BMP8A: variants seen among roughly 807,000 people sequenced by gnomAD.
BMP8A encodes the protein BMP-8A.
A neutral mutation model predicts 36.8 loss-of-function variants in BMP8A; 14 were observed. That is an observed-to-expected ratio of 0.38 (90% CI 0.25 to 0.60). BMP8A has a LOEUF of 0.60. Among genes scored for constraint, BMP8A ranks in the 20% least tolerant of loss-of-function variants. BMP8A has a pLI of 0.63. For synonymous variants in BMP8A, 120 were observed against 237.7 expected (o/e 0.50, Z 4.55); for missense variants, 267 against 551.1 (o/e 0.48, Z 5.16).
chr1:39,492,145 C>T lies in BMP8A; in HGVS notation c.154C>T (p.Leu52Phe), dbSNP rs1317623667. Residue 52 changes from leucine to phenylalanine, a missense_variant, in exon 1 of 7, where the codon CTC becomes TTC. Transcript: ENST00000331593. ...CGTGCAGCGCGAGATCCTGGCGGTG[C>T]TCGGGCTACCCGGGCGGCCCCGGCC... The part of the protein sequence containing the change: ...RDVQREILAV[L>F]GLPGRPRPRA... 1.6e-6 allele frequency: 2 copies of T among 1,267,280 alleles called. No homozygotes were observed. The highest frequency in any genetic ancestry group is 3.1e-5 in the African/African-American group (2 of 63,636). 78.5% of individuals were successfully genotyped at this position (1,267,280 alleles called of 1,614,324 possible). A position where few individuals can be genotyped will look rare whatever the true frequency, so the allele number is the denominator to read the frequency against.
intron 1 of BMP8A, among the ~76,000 whole-genome samples, chr1:39,507,913 A>C (rs570969413): frequency 3.9e-5 from 6 of 152,318 alleles, no homozygotes; most frequent in African/African-American, 1.2e-4. Context: ...AGGCACCCAG[A>C]AGTTGAACTG....
chr1:39,505,985 C>CAAAAAAAAA lies in BMP8A; in HGVS notation c.335-5189_335-5188insAAAAAAAAA, dbSNP rs369981354. Among the ~76,000 whole-genome samples the CAAAAAAAAA allele has an allele frequency of 1.1e-4, 10 of 93,914 alleles. 5 individuals carry two copies. The highest frequency in any genetic ancestry group is 9.5e-5 in the African/African-American group (2 of 21,150). 61.6% of individuals were successfully genotyped at this position (93,914 alleles called of 152,430 possible). A position where few individuals can be genotyped will look rare whatever the true frequency, so the allele number is the denominator to read the frequency against. ...TGGGTGACAGAGCAAGACCCTGTCT[C>CAAAAAAAAA]CAAAAAAAAAAAAAAAAAAAAGTGT... On this transcript the variant is annotated intron_variant, in intron 1 of 6. Coordinates refer to ENST00000331593, the MANE Select transcript of BMP8A (RefSeq NM_181809.4).
At chr1:39,517,925 AG>A (rs1440212311) in intron 3 of BMP8A, among the ~76,000 whole-genome samples, 5 of 152,210 alleles carry the variant, frequency 3.3e-5, no homozygotes, top group Non-Finnish European at 7.3e-5. Context: ...GGACTAGATG[AG>A]TTTTCTCAGC....
chr1:39,500,632 C>CA (rs34380723), intron 1 of BMP8A, among the ~76,000 whole-genome samples: 24,931 of 101,978 alleles, frequency 0.24, 2,197 homozygotes, highest in Middle Eastern at 0.29. Flanking sequence ...GAGTAATTTA[C>CA]AAAAAAAAAA....
Position 39,492,027 on chromosome 1 carries a change from C to A in BMP8A, c.36C>A (p.Gly12=). The A allele has an allele frequency of 9.1e-7, 1 of 1,096,006 alleles. No homozygotes were observed. Among genetic ancestry groups the A allele is most frequent in the Non-Finnish European group, 1.1e-6 (1 of 902,684 alleles). The allele number at this position is 1,096,006 out of a possible 1,614,324, so 67.9% of individuals were successfully genotyped here. The change falls in exon 1 of 7, where the codon GGC becomes GGA. Residue 12 remains glycine (G), a synonymous_variant. Coordinates refer to ENST00000331593, the MANE Select transcript of BMP8A (RefSeq NM_181809.4). ...AARPGPLWLL[G]LTLCALGGGG... ...GCCCCGGACCGCTCTGGCTTCTGGG[C>A]CTGACGTTGTGCGCGCTGGGCGGGG...
chr1:39,493,702 G>A lies in BMP8A; in HGVS notation c.334+1377G>A, dbSNP rs929384199. On this transcript the variant is annotated intron_variant, in intron 1 of 6. Coordinates refer to ENST00000331593, the MANE Select transcript of BMP8A (RefSeq NM_181809.4). ...CAGTGCCAGGGACAGGACTCTAGCC[G>A]GTGGGATCTGTATGCTGCCTTTGTA... Among the ~76,000 whole-genome samples the A allele has an allele frequency of 3.3e-5, 5 of 152,238 alleles. No homozygotes were observed. In the East Asian group the frequency reaches 5.8e-4, roughly 18 times the overall value.
chr1:39,523,757 CTG>C (rs977684215), intron 6 of BMP8A: 11 of 1,235,144 alleles, frequency 8.9e-6, no homozygotes, highest in Non-Finnish European at 1.1e-5. Context: ...ACTGAGTGCT[CTG>C]TGTGTTTGCG....
At chr1:39,499,240 G>C (rs60069508) in intron 1 of BMP8A, among the ~76,000 whole-genome samples, 26,872 of 152,186 alleles carry the variant, frequency 0.18, 2,992 homozygotes, top group Middle Eastern at 0.24. Context: ...GGCCACCCGG[G>C]GAGAGCAGCT....
Position 39,525,809 on chromosome 1 carries a change from C to T in BMP8A, c.*11C>T, listed in dbSNP as rs1441554228. 1 of 1,613,682 alleles carries T rather than the reference C, an allele frequency of 6.2e-7. No individual in the cohort carries two copies. The highest frequency in any genetic ancestry group is 8.5e-7 in the Non-Finnish European group (1 of 1,180,022). On this transcript the variant is annotated 3_prime_UTR_variant, in exon 7 of 7. Transcript: ENST00000331593. ...TGCGGCTGCCACTGAGTCAGCCCGC[C>T]CAGCCCTACTGCAGCCACCCTTCTC...
At chr1:39,502,235 CAA>C (rs144694221) in intron 1 of BMP8A, among the ~76,000 whole-genome samples, 9 of 123,084 alleles carry the variant, frequency 7.3e-5, no homozygotes, top group Admixed American at 2.5e-4. Flanking sequence ...GAGACTGTCT[CAA>C]AAAAAAAAAA....
intron 1 of BMP8A, among the ~76,000 whole-genome samples, chr1:39,504,797 G>A (rs4660798): frequency 0.82 from 125,146 of 152,156 alleles, 53,587 homozygotes; most frequent in East Asian, 0.99. Context: ...CTACCATCTC[G>A]GTGAGGGGGA....
In BMP8A at chr1:39,526,264, C is replaced by G. The variant is rs533157824; in HGVS notation, c.*466C>G. On this transcript the variant is annotated 3_prime_UTR_variant, in exon 7 of 7. Coordinates refer to ENST00000331593, the MANE Select transcript of BMP8A (RefSeq NM_181809.4). The stretch of plus-strand genomic sequence containing the variant: ...TCTCAGCACAGTGTGTTCTGGGATT[C>G]TTCTCATTTGGTCCAGGGTGCAGTT... 6.6e-6 allele frequency among the ~76,000 whole-genome samples: 1 copy of G among 152,012 alleles called. No individual in the cohort carries two copies. Among genetic ancestry groups the G allele is most frequent in the Non-Finnish European group, 1.5e-5 (1 of 68,016 alleles).
At position 39,525,677 on chromosome 1, in the gene BMP8A, C is replaced by T; in HGVS notation, c.1088C>T (p.Pro363Leu). Reference sequence around the variant, plus strand: ...CACCTGATGAAGCCAAACGCAGTCCCCAAGGCGTGCTGTGCACCCACCAAG... The same window carrying T: ...CACCTGATGAAGCCAAACGCAGTCCTCAAGGCGTGCTGTGCACCCACCAAG... ...LVHLMKPNAV[P>L]KACCAPTKLS... The change falls in exon 7 of 7, where the codon CCC becomes CTC. Residue 363 changes from proline to leucine, a missense_variant. Coordinates refer to ENST00000331593, the MANE Select transcript of BMP8A (RefSeq NM_181809.4). The T allele has an allele frequency of 1.9e-6, 3 of 1,614,090 alleles. No individual in the cohort carries two copies. Among genetic ancestry groups the T allele is most frequent in the Non-Finnish European group, 2.5e-6 (3 of 1,180,008 alleles).
chr1:39,515,379 G>C, intron 3 of BMP8A: 1 of 828,798 alleles, frequency 1.2e-6, no homozygotes, highest in Non-Finnish European at 1.8e-6. Flanking sequence ...GGGCACCCTG[G>C]CCGAGCGCAT....
At chr1:39,498,984 C>G (rs1645229854) in intron 1 of BMP8A, among the ~76,000 whole-genome samples, 1 of 152,236 alleles carries the variant, frequency 6.6e-6, no homozygotes, top group Non-Finnish European at 1.5e-5. Context: ...GACAAGAGGC[C>G]CTTGGGAAGA....
In BMP8A at chr1:39,526,602, TGTTGG is replaced by T. The variant is rs1645486001; in HGVS notation, c.*806_*810del. On this transcript the variant is annotated 3_prime_UTR_variant, in exon 7 of 7. Coordinates refer to ENST00000331593, the MANE Select transcript of BMP8A (RefSeq NM_181809.4). ...GATCCACCCGCCCGGCCTCCCAAAG[TGTTGG>T]GATGACAGGCATGAGCCACCGTGCC... Among the ~76,000 whole-genome samples the T allele has an allele frequency of 6.6e-6, 1 of 152,026 alleles. No individual in the cohort carries two copies. The highest frequency in any genetic ancestry group is 2.1e-4 in the South Asian group (1 of 4,830).
intron 1 of BMP8A, among the ~76,000 whole-genome samples, chr1:39,494,414 G>A (rs774552264): frequency 8.8e-5 from 13 of 147,892 alleles, no homozygotes; most frequent in African/African-American, 1.3e-4. Flanking sequence ...GTAGTGGTGC[G>A]ATTATAGCTC....
rs886655500 is a variant in BMP8A, at chr1:39,515,438, C to T, written c.673+3534C>T. ...CCGCCTTCTACACCCCCACGGGCTA[C>T]GGGACCCTGGTCCAGGAAGGGGGCG... On this transcript the variant is annotated intron_variant, in intron 3 of 6. Coordinates refer to ENST00000331593, the MANE Select transcript of BMP8A (RefSeq NM_181809.4). 1.1e-5 allele frequency: 9 copies of T among 831,690 alleles called. No individual in the cohort carries two copies. The African/African-American group carries it at 1.5e-4, about 14-fold the overall frequency. The allele number at this position is 831,690 out of a possible 1,614,324, so 51.5% of individuals were successfully genotyped here. A position where few individuals can be genotyped will look rare whatever the true frequency, so the allele number is the denominator to read the frequency against.
At chr1:39,502,356 G>A (rs946751643) in intron 1 of BMP8A, among the ~76,000 whole-genome samples, 1 of 151,748 alleles carries the variant, frequency 6.6e-6, no homozygotes, top group Non-Finnish European at 1.5e-5. Context: ...GTGTGTTTTT[G>A]CACACATTAA....
Sources: allele counts gnomAD v4.1 joint callset (sites outside exome capture counted in the v4.1 genomes callset), GRCh38; gene constraint gnomAD v4.1.1; transcripts MANE v1.5; gene names NCBI Gene and HGNC (gene_info 2026-07-23, HGNC 2026-07-21).